The following OOSP2 variants were observed in gnomAD, a reference collection of about 807,000 sequenced individuals.
OOSP2 encodes oocyte secreted protein 2.
In OOSP2, 7 loss-of-function variants were observed where a neutral mutation model predicts 13.4. The observed-to-expected ratio is 0.52, with a 90% CI of 0.30 to 0.98. OOSP2 has a LOEUF of 0.98. Ranked by LOEUF, OOSP2 falls within the 50% of genes least tolerant of loss-of-function variation. The pLI, the probability that OOSP2 is intolerant of heterozygous loss-of-function variation, is 0.07. For missense variants in OOSP2, 184 were observed against 188.5 expected (o/e 0.98, Z 0.14); for synonymous variants, 75 against 67.2 (o/e 1.12, Z -0.57).
intron 2 of OOSP2, 147 bp from the exon 3 acceptor site, chr11:60,044,524 C>T: frequency 4.4e-6 from 2 of 457,374 alleles, no homozygotes; most frequent in South Asian, 4.9e-5. Flanking sequence ...CCTCTTCTGT[C>T]CCAGTGAGTT....
intron 2 of OOSP2, 37 bp from the exon 3 acceptor site, chr11:60,044,634 T>C: frequency 1.1e-6 from 1 of 934,578 alleles, no homozygotes; most frequent in Non-Finnish European, 1.8e-6. Flanking sequence ...CATCTGTTAC[T>C]CCAAATATCT....
At position 60,047,727 on chromosome 11, in the gene OOSP2, A is replaced by G. The variant is rs1336016484; in HGVS notation, c.*654A>G. The G allele has an allele frequency of 6.6e-6, 1 of 152,198 alleles. No individual in the cohort carries two copies. The highest frequency in any genetic ancestry group is 2.4e-5 in the African/African-American group (1 of 41,470). The allele number at this position is 152,198 out of a possible 1,614,324, so 9.4% of individuals were successfully genotyped here. A position where few individuals can be genotyped will look rare whatever the true frequency, so the allele number is the denominator to read the frequency against. The stretch of plus-strand genomic sequence containing the variant: ...TCCGAATGGTTCTTCCACACTCAAA[A>G]TAATTGAATGGTTGAGTTGGTTAAG... On this transcript the variant is annotated 3_prime_UTR_variant, in exon 4 of 4. Coordinates refer to ENST00000278855, the MANE Select transcript of OOSP2 (RefSeq NM_173801.5).
chr11:60,041,184 T>C (rs949852672), intron 1 of OOSP2, among the ~76,000 whole-genome samples: 1 of 143,890 alleles, frequency 6.9e-6, no homozygotes, highest in Non-Finnish European at 1.5e-5. Flanking sequence ...TTTTGTAGAC[T>C]TTTTTTGGTA....
rs1257555440 is a variant in OOSP2, at chr11:60,043,574, GC to G, written c.173del (p.Pro58LeufsTer25). On this transcript the variant is annotated frameshift_variant, in exon 2 of 4. Transcript: ENST00000278855. LOFTEE classifies it high-confidence loss of function. ...FADELHLGMG[C>X]PANRIHTYVY... Reference sequence around the variant, plus strand: ...GATGAATTACATCTGGGAATGGGCTGCCCTGCAAATCGGATACATACATATG... The same window carrying G: ...GATGAATTACATCTGGGAATGGGCTGCCTGCAAATCGGATACATACATATG... The G allele has an allele frequency of 6.2e-7, 1 of 1,609,044 alleles. No homozygotes were observed. Among genetic ancestry groups the G allele is most frequent in the South Asian group, 1.1e-5 (1 of 90,974 alleles).
At chr11:60,046,470 C>G (rs1057469315) in intron 3 of OOSP2, among the ~76,000 whole-genome samples, 2 of 151,958 alleles carry the variant, frequency 1.3e-5, no homozygotes, top group East Asian at 1.9e-4. Flanking sequence ...ACTTGGCCAA[C>G]AAAGTTGTCT....
chr11:60,048,014 T>C lies in OOSP2; in HGVS notation c.*941T>C, dbSNP rs1163484764. The stretch of plus-strand genomic sequence containing the variant: ...AGATACTGTTTATTATTATTTTTAA[T>C]TAAAGTGATACTATTCCATTTTCAA... On this transcript the variant is annotated 3_prime_UTR_variant, in exon 4 of 4. Coordinates refer to ENST00000278855, the MANE Select transcript of OOSP2 (RefSeq NM_173801.5). 1 of 152,148 alleles carries C rather than the reference T, an allele frequency of 6.6e-6. No homozygotes were observed. The highest frequency in any genetic ancestry group is 2.4e-5 in the African/African-American group (1 of 41,440). The allele number at this position is 152,148 out of a possible 1,614,324, so 9.4% of individuals were successfully genotyped here. A position where few individuals can be genotyped will look rare whatever the true frequency, so the allele number is the denominator to read the frequency against.
intron 1 of OOSP2, among the ~76,000 whole-genome samples, chr11:60,041,914 C>T (rs1318686178): frequency 6.9e-6 from 1 of 144,548 alleles, no homozygotes; most frequent in Non-Finnish European, 1.5e-5. Context: ...CGGTGGCTCA[C>T]GCCTGTAATC....
intron 1 of OOSP2, among the ~76,000 whole-genome samples, chr11:60,041,938 A>G (rs1854936335): frequency 6.7e-6 from 1 of 149,496 alleles, no homozygotes; most frequent in Non-Finnish European, 1.5e-5. Context: ...GCACTTTGGG[A>G]GCCCAAGGTG....
chr11:60,040,624 T>C (rs558570097), intron 1 of OOSP2, 101 bp downstream of exon 1: 24 of 726,796 alleles, frequency 3.3e-5, no homozygotes, highest in Middle Eastern at 2.4e-4. Context: ...GATCTTATTC[T>C]AACTGGCTAG....
intron 3 of OOSP2, 111 bp from the exon 4 acceptor site, chr11:60,046,833 C>A: frequency 1.1e-6 from 1 of 905,178 alleles, no homozygotes; most frequent in Non-Finnish European, 1.9e-6. Context: ...TGGCTCTATG[C>A]CATACTCCTG....
chr11:60,042,134 A>G (rs1237747736), intron 1 of OOSP2, among the ~76,000 whole-genome samples: 2 of 151,648 alleles, frequency 1.3e-5, no homozygotes, highest in Admixed American at 6.6e-5. Flanking sequence ...AAACAAACAA[A>G]AAAACCCCCC....
chr11:60,042,131 CAAAAA>C (rs368450642), intron 1 of OOSP2, among the ~76,000 whole-genome samples: 1 of 151,972 alleles, frequency 6.6e-6, no homozygotes, highest in Non-Finnish European at 1.5e-5. Flanking sequence ...AACAAACAAA[CAAAAA>C]AACCCCCCCA....
intron 2 of OOSP2, among the ~76,000 whole-genome samples, chr11:60,043,951 G>A (rs963862690): frequency 1.3e-5 from 2 of 152,120 alleles, no homozygotes; most frequent in Non-Finnish European, 2.9e-5. Context: ...AATGTGGAAG[G>A]TCACCAATCT....
intron 1 of OOSP2, among the ~76,000 whole-genome samples, chr11:60,040,883 A>G (rs1373421145): frequency 1.3e-5 from 2 of 152,186 alleles, no homozygotes; most frequent in African/African-American, 2.4e-5. Context: ...ATTCAGTTGC[A>G]TCTTAGCTGA....
chr11:60,047,263 G>T lies in OOSP2; in HGVS notation c.*190G>T. The stretch of plus-strand genomic sequence containing the variant: ...TATTTCTAAATATTTGTATTCAGTA[G>T]GGGTATGGCTGATTAATTTAACATT... On this transcript the variant is annotated 3_prime_UTR_variant, in exon 4 of 4. Transcript: ENST00000278855. The T allele has an allele frequency of 2.1e-6, 1 of 468,256 alleles. No individual in the cohort carries two copies. Among genetic ancestry groups the T allele is most frequent in the Non-Finnish European group, 3.8e-6 (1 of 264,778 alleles). The allele number at this position is 468,256 out of a possible 1,614,324, so 29.0% of individuals were successfully genotyped here.
At chr11:60,044,808 T>C (rs778100249) in intron 3 of OOSP2, 34 bp downstream of exon 3, 1 of 1,016,902 alleles carries the variant, frequency 9.8e-7, no homozygotes, top group Non-Finnish European at 1.5e-6. Flanking sequence ...TTTGGAATGT[T>C]TTAGCTTTAC....
intron 3 of OOSP2, among the ~76,000 whole-genome samples, chr11:60,046,040 CTGTCTGTCTCTCTGTCTT>C (rs1855002804): frequency 6.7e-6 from 1 of 149,838 alleles, no homozygotes; most frequent in Admixed American, 6.8e-5. Flanking sequence ...CTCTGTCTGT[CTGTCTGTCTCTCTGTCTT>C]TGTCTGTCTC....
chr11:60,045,258 C>T (rs899519009), intron 3 of OOSP2, among the ~76,000 whole-genome samples: 1 of 152,102 alleles, frequency 6.6e-6, no homozygotes, highest in African/African-American at 2.4e-5. Context: ...GAGGGCTTAT[C>T]AGCCTAATTA....
intron 3 of OOSP2, among the ~76,000 whole-genome samples, 186 bp downstream of exon 3, chr11:60,044,960 G>C (rs1210822336): frequency 6.6e-6 from 1 of 152,062 alleles, no homozygotes; most frequent in Non-Finnish European, 1.5e-5. Flanking sequence ...TTAATATTTT[G>C]AATGTAATGT....
Sources: gnomAD v4.1 joint callset for allele counts (sites outside exome capture counted in the v4.1 genomes callset) on GRCh38, gnomAD v4.1.1 for gene constraint, MANE v1.5 for transcripts, NCBI Gene and HGNC (gene_info 2026-07-23, HGNC 2026-07-21) for gene names.